Variants in PRKCZ observed in about 807,000 individuals in gnomAD.
The protein encoded by PRKCZ is protein kinase C zeta type.
A neutral mutation model predicts 79.5 loss-of-function variants in PRKCZ; 33 were observed. The ratio of observed to expected loss-of-function variants is 0.41; its 90% CI spans 0.31 to 0.55. The LOEUF is 0.55. Ranked by LOEUF, PRKCZ falls within the 20% of genes least tolerant of loss-of-function variation. PRKCZ has a pLI of 0.19. For synonymous variants in PRKCZ, 342 were observed against 320.9 expected, an observed-to-expected ratio of 1.07 and a Z score of -0.70; for missense variants, 578 against 813.5, an observed-to-expected ratio of 0.71 and a Z score of 3.52.
At chr1:2,117,380 T>A (rs558349883) in intron 4 of PRKCZ, among the ~76,000 whole-genome samples, 30 of 149,796 alleles carry the variant, frequency 2.0e-4, no homozygotes, top group East Asian at 7.8e-4. Context: ...TTTTTTTTTT[T>A]ATCTTTTTGT....
intron 4 of PRKCZ, among the ~76,000 whole-genome samples, chr1:2,105,758 G>A (rs1668286918): frequency 1.3e-5 from 2 of 152,236 alleles, no homozygotes; most frequent in African/African-American, 4.8e-5. Context: ...TAGTCACAGA[G>A]CTGTCAGGAG....
chr1:2,133,253 G>C (rs1330983978), intron 4 of PRKCZ, among the ~76,000 whole-genome samples: 18 of 148,664 alleles, frequency 1.2e-4, no homozygotes. Context: ...CCAGCTGCGC[G>C]GCCGTCCCTC....
Position 2,174,121 on chromosome 1 carries a change from C to A in PRKCZ, c.1405+105C>A. The A allele has an allele frequency of 7.3e-7, 1 of 1,367,284 alleles. No individual in the cohort carries two copies. Among genetic ancestry groups the A allele is most frequent in the East Asian group, 2.7e-5 (1 of 36,580 alleles). The allele number at this position is 1,367,284 out of a possible 1,614,324, so 84.7% of individuals were successfully genotyped here. ...CCCGCGGGTGCCTGGAGCGGCAGTG[C>A]CATGCAAAGCGTACCGGGAACCATT... is the stretch of plus-strand genomic sequence containing the variant. On this transcript the variant is annotated intron_variant, in intron 14 of 17. Coordinates refer to ENST00000378567, the MANE Select transcript of PRKCZ (RefSeq NM_002744.6). The surrounding 1 kb of genome is among the most constrained non-coding windows in gnomAD (Gnocchi z 6.2).
intron 1 of PRKCZ, among the ~76,000 whole-genome samples, chr1:2,051,442 A>C (rs781655843): frequency 1.3e-5 from 2 of 152,076 alleles, no homozygotes; most frequent in Non-Finnish European, 2.9e-5. Flanking sequence ...GGCGGTGGGG[A>C]GGGGAGGACC....
intron 4 of PRKCZ, among the ~76,000 whole-genome samples, chr1:2,080,349 C>T (rs573409003): frequency 6.6e-5 from 10 of 152,238 alleles, no homozygotes; most frequent in East Asian, 1.9e-4. Flanking sequence ...TGGCGGTGCG[C>T]GTGGACGTGG....
chr1:2,090,952 A>G (rs1009024948), intron 4 of PRKCZ, among the ~76,000 whole-genome samples: 6 of 152,230 alleles, frequency 3.9e-5, no homozygotes, highest in Non-Finnish European at 8.8e-5. Context: ...CGTCTTAAAT[A>G]TCATCTTTTC....
intron 4 of PRKCZ, chr1:2,071,391 C>A (rs370395684): frequency 2.3e-6 from 1 of 432,846 alleles, no homozygotes. Context: ...TGGGGCTGCG[C>A]GACCGCCTGT....
intron 9 of PRKCZ, among the ~76,000 whole-genome samples, chr1:2,152,141 A>G (rs966471998): frequency 1.3e-5 from 2 of 152,278 alleles, no homozygotes; most frequent in East Asian, 1.9e-4. Flanking sequence ...ATGAGTCACT[A>G]TGCCTGGCCT....
intron 4 of PRKCZ, among the ~76,000 whole-genome samples, chr1:2,080,347 C>T (rs866085020): frequency 8.5e-5 from 13 of 152,250 alleles, no homozygotes; most frequent in Middle Eastern, 3.4e-3. Context: ...CGTGGCGGTG[C>T]GCGTGGACGT....
chr1:2,106,486 ACACG>A (rs1165177795), intron 4 of PRKCZ, among the ~76,000 whole-genome samples: 1,634 of 112,660 alleles, frequency 0.015, 166 homozygotes, highest in East Asian at 0.064. Context: ...GAGGACCTCC[ACACG>A]TGTCACCAGG....
rs142635316 is a variant in PRKCZ at position 2,056,548 on chromosome 1, C to T, written c.258C>T (p.Cys86=). 5.0e-6 allele frequency: 8 copies of T among 1,613,748 alleles called. No individual in the cohort carries two copies. The African/African-American group carries it at 1.1e-4, about 22-fold the overall frequency. ...AGGCTTTCCGCCTGGCCCGTCAGTG[C>T]AGGGATGAAGGCCTCATCATTCATG... is the stretch of plus-strand genomic sequence containing the variant. ...LEEAFRLARQ[C]RDEGLIIHVF... The change falls in exon 3 of 18, where the codon TGC becomes TGT. Residue 86 remains cysteine, a synonymous_variant. Transcript: ENST00000378567.
chr1:2,115,426 G>C (rs1374551883), intron 4 of PRKCZ, among the ~76,000 whole-genome samples: 1 of 152,234 alleles, frequency 6.6e-6, no homozygotes, highest in Non-Finnish European at 1.5e-5. Context: ...GCACCAGGTC[G>C]CACTCTGCAC....
At chr1:2,056,451 G>C (rs780277213) in intron 2 of PRKCZ, 33 bp from the exon 3 acceptor site, 3 of 1,593,962 alleles carry the variant, frequency 1.9e-6, no homozygotes, top group South Asian at 2.2e-5. Flanking sequence ...TCGGGCCTTC[G>C]GCGACGTCAG....
At chr1:2,095,006 A>C (rs1465526358) in intron 4 of PRKCZ, among the ~76,000 whole-genome samples, 1 of 152,130 alleles carries the variant, frequency 6.6e-6, no homozygotes, top group Non-Finnish European at 1.5e-5. Flanking sequence ...TGGGTGATGC[A>C]GACACTGACT....
chr1:2,176,275 G>A (rs1400148631), intron 16 of PRKCZ, among the ~76,000 whole-genome samples: 1 of 152,180 alleles, frequency 6.6e-6, no homozygotes, highest in Non-Finnish European at 1.5e-5. Context: ...CTGCGTGCAG[G>A]GGGTTTTGCC....
At chr1:2,049,778 C>CGA (rs1659482670), upstream of PRKCZ, 1 of 152,264 alleles carries the variant, frequency 6.6e-6, no homozygotes, top group Non-Finnish European at 1.5e-5. Flanking sequence ...GAGTAAGGCC[C>CGA]GAGAGGCTGT....
chr1:2,121,097 A>G (rs1671795027), intron 4 of PRKCZ, among the ~76,000 whole-genome samples: 1 of 152,172 alleles, frequency 6.6e-6, no homozygotes, highest in South Asian at 2.1e-4. Context: ...TACAGGCGTG[A>G]GCCACTGCGC....
intron 4 of PRKCZ, chr1:2,073,940 G>A (rs1440892211): frequency 7.4e-7 from 1 of 1,353,894 alleles, no homozygotes; most frequent in Non-Finnish European, 9.5e-7. Context: ...GTGAGTCGGG[G>A]GCATCTCCCC....
chr1:2,073,969 C>T, intron 4 of PRKCZ: 3 of 1,388,260 alleles, frequency 2.2e-6, no homozygotes, highest in Non-Finnish European at 2.8e-6. Flanking sequence ...TTCCGCGCCC[C>T]CGGGGCCGGG....
Sources: allele counts gnomAD v4.1 joint callset (sites outside exome capture counted in the v4.1 genomes callset), GRCh38; gene constraint gnomAD v4.1.1; non-coding constraint Gnocchi (gnomAD v3.1); transcripts MANE v1.5; gene names NCBI Gene and HGNC (gene_info 2026-07-23, HGNC 2026-07-21).